Variants in RSF1 observed in about 807,000 individuals in gnomAD.
The protein encoded by RSF1 is HBV pX-associated protein 8.
Under a neutral mutation model 145.2 loss-of-function variants are expected in RSF1, and 13 were observed. The observed-to-expected ratio is 0.09, with a 90% confidence interval of 0.06 to 0.14. RSF1 has a LOEUF of 0.14. RSF1 is among the 10% of genes least tolerant of loss of function. RSF1 has a pLI of 1.00. For synonymous variants in RSF1, 577 were observed against 592.6 expected, an observed-to-expected ratio of 0.97 and a Z score of 0.38; for missense variants, 1,517 against 1,718.2, an observed-to-expected ratio of 0.88 and a Z score of 2.07.
intron 5 of RSF1, among the ~76,000 whole-genome samples, chr11:77,711,199 C>A (rs1960674645): frequency 6.7e-6 from 1 of 148,782 alleles, no homozygotes; most frequent in East Asian, 2.0e-4. Flanking sequence ...TTCATGTTTT[C>A]TTAACCTTTT....
chr11:77,756,186 T>A (rs917828867), intron 2 of RSF1, among the ~76,000 whole-genome samples: 1 of 151,754 alleles, frequency 6.6e-6, no homozygotes. Flanking sequence ...GGAGAAACCC[T>A]GTCTCAGCTA....
intron 1 of RSF1, among the ~76,000 whole-genome samples, chr11:77,793,592 C>T (rs972209421): frequency 1.3e-5 from 2 of 152,188 alleles, no homozygotes; most frequent in Admixed American, 6.5e-5. Flanking sequence ...ATATTCCACA[C>T]AGATGAAAAC....
the RSF1 span, among the ~76,000 whole-genome samples, chr11:77,832,949 ATATGTGTGTGTGTGTGTGTGTGTGTGTG>A: frequency 1.0e-5 from 1 of 96,292 alleles, no homozygotes; most frequent in African/African-American, 4.8e-5. Context: ...TTGTATATAT[ATATGTGTGTGTGTGTGTGTGTGTGTGTG>A]TGTGTGTGTG....
Position 77,701,252 on chromosome 11 carries a change from C to T in RSF1, c.1977G>A (p.Gln659=). ...ECQSTSTVGG[Q]SVKKVDLETL... ...TTTCTAGGTCTACTTTTTTCACAGA[C>T]TGGCCACCAACAGTACTTGTACTCT... The change falls in exon 6 of 16, where the codon CAG becomes CAA. Residue 659 remains glutamine, a synonymous_variant. Transcript: ENST00000308488. 1 of 1,614,108 alleles carries T rather than the reference C, an allele frequency of 6.2e-7. No individual in the cohort carries two copies. The highest frequency in any genetic ancestry group is 1.3e-5 in the African/African-American group (1 of 75,032).
the RSF1 span, chr11:77,869,716 A>C: frequency 6.2e-7 from 1 of 1,613,414 alleles, no homozygotes; most frequent in Non-Finnish European, 8.5e-7. Flanking sequence ...CTCTTTCCAC[A>C]TCCAGCATTC....
chr11:77,682,291 A>G (rs557599156), intron 11 of RSF1, among the ~76,000 whole-genome samples: 5 of 152,354 alleles, frequency 3.3e-5, no homozygotes, highest in African/African-American at 1.2e-4. Flanking sequence ...TTTATAAATA[A>G]GAAGCAAGTT....
At chr11:77,813,297 T>C (rs1948748080) in intron 1 of RSF1, 1 of 739,032 alleles carries the variant, frequency 1.4e-6, no homozygotes, top group Non-Finnish European at 2.4e-6. Flanking sequence ...CAACTGGTAA[T>C]CAATTTATTA....
intron 2 of RSF1, among the ~76,000 whole-genome samples, chr11:77,749,018 G>A (rs1221382288): frequency 6.6e-6 from 1 of 152,132 alleles, no homozygotes; most frequent in African/African-American, 2.4e-5. Context: ...GCATAGACAA[G>A]GCTTGAAAAC....
At chr11:77,739,556 T>C (rs1193948252) in intron 4 of RSF1, 1 of 152,238 alleles carries the variant, frequency 6.6e-6, no homozygotes, top group African/African-American at 2.4e-5. Context: ...CATTTATTCT[T>C]AGGGAATGAA....
intron 2 of RSF1, among the ~76,000 whole-genome samples, chr11:77,753,727 A>G (rs915841761): frequency 2.0e-5 from 3 of 152,242 alleles, no homozygotes; most frequent in African/African-American, 7.2e-5. Flanking sequence ...GCCAGCCATT[A>G]TTCAGAAGGT....
intron 5 of RSF1, among the ~76,000 whole-genome samples, chr11:77,712,456 A>G (rs1262451512): frequency 6.6e-6 from 1 of 152,222 alleles, no homozygotes; most frequent in African/African-American, 2.4e-5. Context: ...ACAGACTAAT[A>G]CAACACCTTA....
At chr11:77,774,801 T>C (rs1948325199) in intron 1 of RSF1, among the ~76,000 whole-genome samples, 1 of 149,600 alleles carries the variant, frequency 6.7e-6, no homozygotes, top group Admixed American at 6.7e-5. Flanking sequence ...ACTCTTGCAC[T>C]GTCACCCCAG....
chr11:77,712,795 A>G (rs1960718002), intron 5 of RSF1, among the ~76,000 whole-genome samples: 1 of 152,220 alleles, frequency 6.6e-6, no homozygotes, highest in Admixed American at 6.5e-5. Context: ...GTCTGAACTC[A>G]TAGATATTAT....
intron 1 of RSF1, among the ~76,000 whole-genome samples, chr11:77,785,206 A>C (rs994240867): frequency 1.2e-4 from 19 of 152,226 alleles, no homozygotes; most frequent in African/African-American, 4.1e-4. Context: ...GAGATGGTTC[A>C]TGTATCTTGA....
At chr11:77,741,497 T>C (rs1223865596) in intron 3 of RSF1, among the ~76,000 whole-genome samples, 1 of 152,056 alleles carries the variant, frequency 6.6e-6, no homozygotes, top group Non-Finnish European at 1.5e-5. Context: ...GCACTCTGGC[T>C]TGGGCAACAG....
At chr11:77,759,541 A>T (rs112830393) in intron 2 of RSF1, among the ~76,000 whole-genome samples, 23,056 of 152,070 alleles carry the variant, frequency 0.15, 2,012 homozygotes, top group African/African-American at 0.21. Flanking sequence ...AAAATTAGCC[A>T]GGCATGGTGG....
At chr11:77,783,212 T>C (rs1445908357) in intron 1 of RSF1, among the ~76,000 whole-genome samples, 1 of 152,226 alleles carries the variant, frequency 6.6e-6, no homozygotes, top group Admixed American at 6.5e-5. Flanking sequence ...TTCTCATCCT[T>C]AGTACTAGAG....
At chr11:77,752,117 T>C (rs1948069413) in intron 2 of RSF1, among the ~76,000 whole-genome samples, 2 of 152,302 alleles carry the variant, frequency 1.3e-5, no homozygotes, top group South Asian at 4.1e-4. Context: ...GCAAAAGTCC[T>C]CAGCAGAACT....
chr11:77,790,838 C>A (rs1018178964), intron 1 of RSF1, among the ~76,000 whole-genome samples: 1 of 152,202 alleles, frequency 6.6e-6, no homozygotes, highest in African/African-American at 2.4e-5. Context: ...TTCCCATGGT[C>A]TTGGGCAGCT....
Sources: allele counts gnomAD v4.1 joint callset (sites outside exome capture counted in the v4.1 genomes callset), GRCh38; gene constraint gnomAD v4.1.1; transcripts MANE v1.5; gene names NCBI Gene and HGNC (gene_info 2026-07-23, HGNC 2026-07-21).